Variants in INSRR observed in about 807,000 individuals in gnomAD.
INSRR encodes the protein insulin receptor-related protein.
In INSRR, 114 loss-of-function variants were observed where a neutral mutation model predicts 130.0. That is an observed-to-expected ratio of 0.88 (90% CI 0.75 to 1.02). The LOEUF is 1.02. Ranked by LOEUF, INSRR falls within the 50% of genes least tolerant of loss-of-function variation. The pLI, the probability that INSRR is intolerant of heterozygous loss-of-function variation, is 0.00. For synonymous variants in INSRR, 674 were observed against 705.2 expected, an observed-to-expected ratio of 0.96 and a Z score of 0.70; for missense variants, 1,657 against 1,735.2, an observed-to-expected ratio of 0.95 and a Z score of 0.80.
intron 7 of INSRR, 137 bp downstream of exon 7, chr1:156,848,784 C>T: frequency 1.9e-6 from 2 of 1,031,456 alleles, no homozygotes; most frequent in East Asian, 2.6e-5. Context: ...TGGGCCCTAC[C>T]ACGGAGTACA....
In INSRR at chr1:156,843,226, G is replaced by A; in HGVS notation, c.2904C>T (p.Val968=). 2.5e-6 allele frequency: 4 copies of A among 1,613,982 alleles called. No homozygotes were observed. Among genetic ancestry groups the A allele is most frequent in the Middle Eastern group, 1.7e-4 (1 of 6,060 alleles). The change falls in exon 17 of 22, where the codon GTC becomes GTT. Residue 968 remains valine, a synonymous_variant. Coordinates refer to ENST00000368195, the MANE Select transcript of INSRR (RefSeq NM_014215.3). ...CCCGAGGCACCTCCCATTCATCAGG[G>A]ACATACACTGCAAGGAGGTGGAGGG... ...PEYFSASDMY[V]PDEWEVPREQ... is the part of the protein sequence containing the mutation.
In INSRR at chr1:156,842,417, G is replaced by A. The variant is rs971089803; in HGVS notation, c.3218C>T (p.Ser1073Phe). The A allele has an allele frequency of 1.9e-6, 3 of 1,614,072 alleles. No individual in the cohort carries two copies. The East Asian group carries it at 6.7e-5, about 36-fold the overall frequency. ...TRGDLKSHLR[S>F]LRPEAENNPG... ...CCCTACCTCTGCCTCAGGCCGCAAA[G>A]ATCGAAGATGGCTCTTGAGGTCCCC... is the stretch of plus-strand genomic sequence containing the variant. The change falls in exon 18 of 22, where the codon TCT (serine) becomes TTT (phenylalanine). Residue 1073 changes from serine (S) to phenylalanine (F), a missense_variant. Transcript: ENST00000368195.
intron 8 of INSRR, 81 bp from the exon 9 acceptor site, chr1:156,846,200 G>C: frequency 7.2e-7 from 1 of 1,392,574 alleles, no homozygotes; most frequent in Middle Eastern, 1.9e-4. Flanking sequence ...TCCTTTCTGG[G>C]GTCCAACAGC....
At chr1:156,853,182 G>T (rs1253961213) in intron 2 of INSRR, among the ~76,000 whole-genome samples, 4 of 151,734 alleles carry the variant, frequency 2.6e-5, no homozygotes, top group Non-Finnish European at 5.9e-5. Context: ...TTCTTCTCCT[G>T]CTCACCCCCA....
chr1:156,858,895 G>T lies in INSRR; in HGVS notation c.-274C>A. The T allele has an allele frequency of 2.1e-6, 1 of 480,312 alleles. No homozygotes were observed. Among genetic ancestry groups the T allele is most frequent in the South Asian group, 2.8e-5 (1 of 35,950 alleles). The allele number at this position is 480,312 out of a possible 1,614,324, so 29.8% of individuals were successfully genotyped here. The stretch of plus-strand genomic sequence containing the variant: ...ACAGAGATGCAGACAGTGACAGGGA[G>T]AGTCTCGGGCCTCCAGAGGGAGAAA... On this transcript the variant is annotated 5_prime_UTR_variant, in exon 1 of 22. Transcript: ENST00000368195.
chr1:156,853,922 C>A lies in INSRR; in HGVS notation c.467G>T (p.Gly156Val), dbSNP rs1442419406. The change falls in exon 2 of 22, where the codon GGA becomes GTA. Residue 156 changes from glycine (G) to valine (V), a missense_variant. Gly to Val is a moderately radical substitution (Grantham distance 109, BLOSUM62 -3). Transcript: ENST00000368195. ...ELCHLSTIDW[G>V]LLQPAPGANH... ...GGCGCCAGGTGCTGGCTGCAGCAGT[C>A]CCCAGTCAATGGTGGAGAGGTGGCA... The A allele has an allele frequency of 6.2e-7, 1 of 1,614,078 alleles. No homozygotes were observed. Among genetic ancestry groups the A allele is most frequent in the Middle Eastern group, 1.6e-4 (1 of 6,062 alleles).
chr1:156,856,031 C>G (rs1244608148), intron 1 of INSRR, among the ~76,000 whole-genome samples: 2 of 151,832 alleles, frequency 1.3e-5, no homozygotes, highest in African/African-American at 2.4e-5. Context: ...TACTTGAACT[C>G]CTGGCCTCTT....
chr1:156,857,199 G>GTC (rs1655440070), intron 1 of INSRR, among the ~76,000 whole-genome samples: 1 of 140,684 alleles, frequency 7.1e-6, no homozygotes, highest in African/African-American at 2.7e-5. Context: ...GTGTGTGTGT[G>GTC]TGTGTGTGTG....
rs778677987 is a variant in INSRR, at chr1:156,851,663, A to G, written c.1067T>C (p.Leu356Pro). 6.2e-7 allele frequency: 1 copy of G among 1,614,164 alleles called. No homozygotes were observed. The highest frequency in any genetic ancestry group is 8.5e-7 in the Non-Finnish European group (1 of 1,179,998). ...GCTHVEGSLILNLRQGYNLEP... is the reference protein window; with the variant it reads ...GCTHVEGSLIPNLRQGYNLEP... The stretch of plus-strand genomic sequence containing the variant: ...GTACTGACAGCCCTGGCGAAGGTTG[A>G]GGATGAGGCTTCCCTCCACATGCGT... Residue 356 changes from leucine to proline, a missense_variant, in exon 4 of 22, where the codon CTC (leucine) becomes CCC (proline). By Grantham distance (98) the Leu-to-Pro change is moderately conservative (BLOSUM62 -3). Transcript: ENST00000368195.
At chr1:156,846,472 C>G (rs754880068) in intron 8 of INSRR, 47 bp downstream of exon 8, 1 of 1,473,350 alleles carries the variant, frequency 6.8e-7, no homozygotes, top group South Asian at 1.2e-5. Context: ...CCCCTGTTCT[C>G]ATGGATGCAG....
Position 156,851,990 on chromosome 1 carries a change from C to G in INSRR, c.839G>C (p.Cys280Ser), listed in dbSNP as rs1478318927. ...ESWRCVTAER[C>S]ASLHSVPGRA... is the part of the protein sequence containing the mutation. ...GCCGGGCACAGAGTGCAGGCTGGCA[C>G]AGCGCTCAGCTGTGACACAGCGCCA... The change falls in exon 3 of 22, where the codon TGT (cysteine) becomes TCT (serine). Residue 280 changes from cysteine (C) to serine (S), a missense_variant. Cys to Ser is a moderately radical substitution (Grantham distance 112). Transcript: ENST00000368195. 6.2e-7 allele frequency: 1 copy of G among 1,611,078 alleles called. No homozygotes were observed.
At chr1:156,857,163 A>ACG (rs1655434931) in intron 1 of INSRR, among the ~76,000 whole-genome samples, 1 of 130,536 alleles carries the variant, frequency 7.7e-6, no homozygotes, top group African/African-American at 2.8e-5. Context: ...GCAGCTGTGT[A>ACG]TGTGTGTGTG....
In INSRR at chr1:156,840,698, A is replaced by G; in HGVS notation, c.*175T>C. On this transcript the variant is annotated 3_prime_UTR_variant, in exon 22 of 22. Coordinates refer to ENST00000368195, the MANE Select transcript of INSRR (RefSeq NM_014215.3). ...GGGACTCAGAGTCTGAGAAACTCCTATGGTGAGACCCCTCTGCCCACCCCC... is the reference window on the plus strand; with the variant it reads ...GGGACTCAGAGTCTGAGAAACTCCTGTGGTGAGACCCCTCTGCCCACCCCC... 1 of 622,320 alleles carries G rather than the reference A, an allele frequency of 1.6e-6. No homozygotes were observed. The highest frequency in any genetic ancestry group is 2.7e-5 in the East Asian group (1 of 36,614). 38.5% of individuals were successfully genotyped at this position (622,320 alleles called of 1,614,324 possible).
rs182639113 is a variant in INSRR, at chr1:156,844,670, A to C, written c.2574+37T>G. On this transcript the variant is annotated intron_variant, in intron 13 of 21. Transcript: ENST00000368195. The stretch of plus-strand genomic sequence containing the variant: ...CTGGCTGGGAAGGCGATGTAGGCAC[A>C]AAACGGGGCTGGGACGGGGGTCCCA... 6 of 1,614,008 alleles carry C rather than the reference A, an allele frequency of 3.7e-6. No homozygotes were observed. The African/African-American group carries it at 4.0e-5, about 11-fold the overall frequency.
chr1:156,845,285 C>G lies in INSRR; in HGVS notation c.2228G>C (p.Arg743Pro), dbSNP rs554654119. 2.5e-6 allele frequency: 4 copies of G among 1,612,576 alleles called. No individual in the cohort carries two copies. The highest frequency in any genetic ancestry group is 2.7e-5 in the African/African-American group (2 of 74,942). ...GAGGGGCCCAGCTGCCCGGCGGTGC[C>G]GCCCTGAGTCCCTGGGGAGAGCGAG... ...INKSPQRDSG[R>P]HRRAAGPLRL... Residue 743 changes from arginine to proline, a missense_variant, in exon 12 of 22, where the codon CGG (arginine) becomes CCG (proline). Physicochemically the swap from Arg to Pro is moderately radical, Grantham distance 103. Coordinates refer to ENST00000368195, the MANE Select transcript of INSRR (RefSeq NM_014215.3).
chr1:156,843,290 C>T, intron 16 of INSRR, 57 bp from the exon 17 acceptor site: 2 of 1,576,044 alleles, frequency 1.3e-6, no homozygotes, highest in South Asian at 2.2e-5. Flanking sequence ...ACACCTCACC[C>T]CCCAACTTCT....
chr1:156,848,547 C>T (rs1195524321), intron 7 of INSRR, among the ~76,000 whole-genome samples: 1 of 152,180 alleles, frequency 6.6e-6, no homozygotes, highest in Non-Finnish European at 1.5e-5. Context: ...GCTGGCAGAG[C>T]TGCTCATAAA....
chr1:156,844,877 A>G (rs746051874), intron 12 of INSRR, 34 bp from the exon 13 acceptor site: 65 of 1,612,286 alleles, frequency 4.0e-5, no homozygotes, highest in Non-Finnish European at 5.4e-5. Context: ...CCGGGCCAAA[A>G]GTGGTTCATC....
In INSRR at chr1:156,851,692, G is replaced by A; in HGVS notation, c.1038C>T (p.Gly346=). ...TGAGGCTTCCCTCCACATGCGTGCA[G>A]CCCACAAGATCCTGTGCCGCCTGGA... ...DSIQAAQDLV[G]CTHVEGSLIL... The change falls in exon 4 of 22, where the codon GGC becomes GGT. Residue 346 remains glycine, a synonymous_variant. Coordinates refer to ENST00000368195, the MANE Select transcript of INSRR (RefSeq NM_014215.3). 2 of 1,614,184 alleles carry A rather than the reference G, an allele frequency of 1.2e-6. No individual in the cohort carries two copies. Among genetic ancestry groups the A allele is most frequent in the South Asian group, 1.1e-5 (1 of 91,084 alleles).
Sources: gnomAD v4.1 joint callset for allele counts (sites outside exome capture counted in the v4.1 genomes callset) on GRCh38, gnomAD v4.1.1 for gene constraint, MANE v1.5 for transcripts, NCBI Gene and HGNC (gene_info 2026-07-23, HGNC 2026-07-21) for gene names.